The following ZNF248 variants were observed in gnomAD, a reference collection of about 807,000 sequenced individuals.
The protein encoded by ZNF248 is KRAB protein domain.
A neutral mutation model predicts 44.3 loss-of-function variants in ZNF248; 20 were observed. The ratio of observed to expected loss-of-function variants is 0.45; its 90% CI spans 0.32 to 0.66. The LOEUF is 0.66. Ranked by LOEUF, ZNF248 falls within the 30% of genes least tolerant of loss-of-function variation. The pLI is 0.04. For synonymous variants in ZNF248, 224 were observed against 229.0 expected, an observed-to-expected ratio of 0.98 and a Z score of 0.20; for missense variants, 654 against 677.0, an observed-to-expected ratio of 0.97 and a Z score of 0.38.
intron 6 of ZNF248, among the ~76,000 whole-genome samples, chr10:37,778,383 G>C (rs2046858524): frequency 6.6e-6 from 1 of 152,076 alleles, no homozygotes; most frequent in African/African-American, 2.4e-5. Flanking sequence ...TGATAGGGTT[G>C]TTTGTTTTTT....
chr10:37,772,015 C>T (rs144189411), downstream of ZNF248, among the ~76,000 whole-genome samples: 2,062 of 152,208 alleles, frequency 0.014, 49 homozygotes, highest in African/African-American at 0.047. Context: ...ACCTGTAATC[C>T]CAGTACTTTG....
downstream of ZNF248, among the ~76,000 whole-genome samples, chr10:37,772,265 GAA>G (rs36082673): frequency 1.7e-5 from 2 of 119,700 alleles, no homozygotes; most frequent in African/African-American, 3.0e-5. Context: ...ACTGTCTCAA[GAA>G]AAAAAAAAAA....
At chr10:37,782,172 C>T (rs1019131217) in intron 6 of ZNF248, among the ~76,000 whole-genome samples, 3 of 152,166 alleles carry the variant, frequency 2.0e-5, no homozygotes, top group East Asian at 3.9e-4. Context: ...AACCACCACT[C>T]CACCAACTGT....
intron 6 of ZNF248, chr10:37,819,938 C>T: frequency 1.3e-6 from 1 of 770,046 alleles, no homozygotes. Flanking sequence ...AACGAGGCCC[C>T]ATGTCGGACA....
chr10:37,759,749 T>C, the ZNF248 span, among the ~76,000 whole-genome samples: 14 of 152,316 alleles, frequency 9.2e-5, 1 homozygote, highest in Middle Eastern at 0.017. Flanking sequence ...CTCAATATTG[T>C]CTCCACATTC....
the ZNF248 span, among the ~76,000 whole-genome samples, chr10:37,760,850 A>G: frequency 6.6e-6 from 1 of 152,206 alleles, no homozygotes; most frequent in Non-Finnish European, 1.5e-5. Flanking sequence ...AAAAAAAAGT[A>G]TTATAAAGAC....
rs1372294486 is a variant in ZNF248 at position 37,856,451 on chromosome 10, C to A, written c.-44G>T. ...GATACTTACGTGTCCATGTGTGGCT[C>A]CGATATATGCTGAGCTCAGACATGA... On this transcript the variant is annotated 5_prime_UTR_variant, in exon 2 of 6. Coordinates refer to ENST00000395867, the MANE Select transcript of ZNF248 (RefSeq NM_021045.3). 3 of 1,417,446 alleles carry A rather than the reference C, an allele frequency of 2.1e-6. No individual in the cohort carries two copies. The highest frequency in any genetic ancestry group is 2.5e-5 in the Admixed American group (1 of 40,194). 87.8% of individuals were successfully genotyped at this position (1,417,446 alleles called of 1,614,324 possible).
At chr10:37,788,262 T>TA (rs59927437) in intron 6 of ZNF248, among the ~76,000 whole-genome samples, 32,985 of 110,048 alleles carry the variant, frequency 0.3, 5,068 homozygotes, top group African/African-American at 0.44. Context: ...GACTCCATCT[T>TA]AAAAAAAAAA....
rs751046832 is a variant in ZNF248, at chr10:37,829,682, T to A, written c.*1933A>T. ...ACCTTGTGCACTGTTATCTTCAGGC[T>A]ACTGCCCTTCAGAGATAAAAACGAT... On this transcript the variant is annotated 3_prime_UTR_variant, in exon 6 of 6. Transcript: ENST00000395867. The A allele has an allele frequency of 2.0e-6, 2 of 985,316 alleles. No homozygotes were observed. The highest frequency in any genetic ancestry group is 6.1e-5 in the Admixed American group (1 of 16,264). 61.0% of individuals were successfully genotyped at this position (985,316 alleles called of 1,614,324 possible).
At chr10:37,852,847 T>C (rs893683926) in intron 3 of ZNF248, among the ~76,000 whole-genome samples, 5 of 151,928 alleles carry the variant, frequency 3.3e-5, no homozygotes, top group African/African-American at 7.2e-5. Context: ...TAGAGAATAT[T>C]TGATGAAAAG....
At position 37,830,625 on chromosome 10, in the gene ZNF248, A is replaced by G. The variant is rs1589604938; in HGVS notation, c.*990T>C. The G allele has an allele frequency of 5.1e-6, 5 of 984,480 alleles. No homozygotes were observed. Among genetic ancestry groups the G allele is most frequent in the Admixed American group, 6.2e-5 (1 of 16,250 alleles). 61.0% of individuals were successfully genotyped at this position (984,480 alleles called of 1,614,324 possible). On this transcript the variant is annotated 3_prime_UTR_variant, in exon 6 of 6. Transcript: ENST00000395867. ...TCATATATACACAGTGATGTGCTGT[A>G]AATATTTGACAGCAGGTTCTCTGAG... is the stretch of plus-strand genomic sequence containing the variant.
downstream of ZNF248, among the ~76,000 whole-genome samples, chr10:37,825,379 A>AT (rs1177571683): frequency 6.6e-6 from 1 of 152,220 alleles, no homozygotes; most frequent in African/African-American, 2.4e-5. Flanking sequence ...TAAGGTTGGA[A>AT]TTTTTTTAAC....
rs1181792577 is a variant in ZNF248 at position 37,831,705 on chromosome 10, A to G, written c.1650T>C (p.Cys550=). ...GACTAAAGGTCTTCCCACATGCATT[A>G]CACTCATACGGCTTCTCCCCTGTGT... ...RTHTGEKPYE[C]NACGKTFSQR... The change falls in exon 6 of 6, where the codon TGT becomes TGC. Residue 550 remains cysteine, a synonymous_variant. Coordinates refer to ENST00000395867, the MANE Select transcript of ZNF248 (RefSeq NM_021045.3). 2 of 1,613,850 alleles carry G rather than the reference A, an allele frequency of 1.2e-6. No homozygotes were observed. Among genetic ancestry groups the G allele is most frequent in the Non-Finnish European group, 1.7e-6 (2 of 1,179,878 alleles).
the ZNF248 span, among the ~76,000 whole-genome samples, chr10:37,765,304 G>A: frequency 6.6e-6 from 1 of 152,122 alleles, no homozygotes; most frequent in Admixed American, 6.5e-5. Context: ...TTAGGGAATG[G>A]AATTATGTGG....
At chr10:37,789,893 T>C (rs1312814374) in intron 6 of ZNF248, among the ~76,000 whole-genome samples, 1 of 152,178 alleles carries the variant, frequency 6.6e-6, no homozygotes, top group African/African-American at 2.4e-5. Context: ...CCTGAAGTTT[T>C]AGGACACTAC....
chr10:37,766,066 G>A, the ZNF248 span, among the ~76,000 whole-genome samples: 4 of 152,362 alleles, frequency 2.6e-5, no homozygotes, highest in Non-Finnish European at 2.9e-5. Context: ...CGGGAGGGGC[G>A]CCTGCAATTG....
intron 3 of ZNF248, among the ~76,000 whole-genome samples, chr10:37,855,630 T>C (rs533093625): frequency 6.6e-6 from 1 of 152,272 alleles, no homozygotes; most frequent in East Asian, 1.9e-4. Context: ...GAGGAGACTC[T>C]CCAAACAAAG....
At chr10:37,824,673 A>ATTTTTTTTTTTTT (rs755411927), downstream of ZNF248, among the ~76,000 whole-genome samples, 2,910 of 79,652 alleles carry the variant, frequency 0.037, 631 homozygotes, top group Middle Eastern at 0.092. Flanking sequence ...ATTATTTTAA[A>ATTTTTTTTTTTTT]TTTTTTTTTT....
At position 37,829,642 on chromosome 10, in the gene ZNF248, G is replaced by A; in HGVS notation, c.*1973C>T. 1 of 985,442 alleles carries A rather than the reference G, an allele frequency of 1.0e-6. No homozygotes were observed. Among genetic ancestry groups the A allele is most frequent in the Non-Finnish European group, 1.2e-6 (1 of 829,936 alleles). The allele number at this position is 985,442 out of a possible 1,614,324, so 61.0% of individuals were successfully genotyped here. Reference sequence around the variant, plus strand: ...AGAGTAGCTCGGCAACGTCACCTCTGAGCTGGCTTTTCCCACCTTGTGCAC... The same window carrying A: ...AGAGTAGCTCGGCAACGTCACCTCTAAGCTGGCTTTTCCCACCTTGTGCAC... On this transcript the variant is annotated 3_prime_UTR_variant, in exon 6 of 6. Transcript: ENST00000395867.
Sources: allele counts gnomAD v4.1 joint callset (sites outside exome capture counted in the v4.1 genomes callset), GRCh38; gene constraint gnomAD v4.1.1; transcripts MANE v1.5; gene names NCBI Gene and HGNC (gene_info 2026-07-23, HGNC 2026-07-21).